Variants in AKAP7 observed in about 807,000 individuals in gnomAD.
The protein encoded by AKAP7 is A-kinase anchoring protein 7, also known as A kinase (PRKA) anchor protein 7.
A neutral mutation model predicts 39.5 loss-of-function variants in AKAP7; 39 were observed. The observed-to-expected ratio is 0.99, with a 90% confidence interval of 0.76 to 1.29. The LOEUF (loss-of-function observed/expected upper bound fraction) is 1.29. Among genes scored for constraint, AKAP7 ranks in the 50% most tolerant of loss-of-function variants. The pLI, the probability that AKAP7 is intolerant of heterozygous loss-of-function variation, is 0.00. For missense variants in AKAP7, 414 were observed against 407.7 expected, an observed-to-expected ratio of 1.02 and a Z score of -0.13; for synonymous variants, 140 against 139.1, an observed-to-expected ratio of 1.01 and a Z score of -0.05.
chr6:131,250,484 C>G, intron 7 of AKAP7: 1 of 1,603,086 alleles, frequency 6.2e-7, no homozygotes, highest in Non-Finnish European at 8.5e-7. Flanking sequence ...GCAGGGTGTG[C>G]TCGCAGACTG....
intron 1 of AKAP7, among the ~76,000 whole-genome samples, chr6:131,143,643 A>G (rs1193464748): frequency 1.3e-5 from 2 of 152,142 alleles, no homozygotes; most frequent in African/African-American, 4.8e-5. Context: ...GTGTGTGAAC[A>G]ATAGTAGAGA....
chr6:131,240,128 C>G (rs1399507720), intron 7 of AKAP7, among the ~76,000 whole-genome samples: 2 of 152,182 alleles, frequency 1.3e-5, no homozygotes, highest in Admixed American at 6.5e-5. Context: ...ATCTAACAGT[C>G]AGGATCCTCA....
intron 5 of AKAP7, among the ~76,000 whole-genome samples, chr6:131,185,945 T>A (rs1221664356): frequency 6.6e-6 from 1 of 152,234 alleles, no homozygotes; most frequent in Non-Finnish European, 1.5e-5. Context: ...TCTTATAATT[T>A]TAACTCTTAT....
chr6:131,184,760 G>T (rs1805650975), intron 5 of AKAP7: 3 of 1,092,604 alleles, frequency 2.7e-6, no homozygotes, highest in Admixed American at 3.4e-5. Context: ...ACAGGAGTGG[G>T]TGGTTGGGAG....
chr6:131,150,844 C>A (rs745365454), intron 2 of AKAP7, among the ~76,000 whole-genome samples: 1 of 152,104 alleles, frequency 6.6e-6, no homozygotes, highest in Non-Finnish European at 1.5e-5. Context: ...TTCAATTCCT[C>A]AATACATGTG....
chr6:131,205,984 A>G lies in AKAP7; in HGVS notation c.702+6411A>G, dbSNP rs557227113. ...TGCTTTTTGTACGGTATCTTTTTGG[A>G]CTTATTTTTCTTACTGAATGAACTT... On this transcript the variant is annotated intron_variant, in intron 6 of 7. Coordinates refer to ENST00000431975, the MANE Select transcript of AKAP7 (RefSeq NM_016377.4). 3.3e-5 allele frequency among the ~76,000 whole-genome samples: 5 copies of G among 152,096 alleles called. No individual in the cohort carries two copies. The South Asian group carries it at 1.0e-3, about 32-fold the overall frequency.
chr6:131,196,176 A>G (rs1806906864), intron 5 of AKAP7, among the ~76,000 whole-genome samples: 1 of 151,942 alleles, frequency 6.6e-6, no homozygotes, highest in Non-Finnish European at 1.5e-5. Flanking sequence ...CGTATTTTCA[A>G]ATAGCCTGTC....
In AKAP7 at chr6:131,213,700, G is replaced by T. The variant is rs573254895; in HGVS notation, c.703-5961G>T. Among the ~76,000 whole-genome samples, 114 of 152,178 alleles carry T rather than the reference G, an allele frequency of 7.5e-4. 4 individuals are homozygous for T. The South Asian group carries it at 0.023, about 30-fold the overall frequency. On this transcript the variant is annotated intron_variant, in intron 6 of 7. Transcript: ENST00000431975. Reference sequence around the variant, plus strand: ...TCTTTGTTTCATTATACTGAGAAAAGCCACATGCAAGTATAACAAACAGTT... The same window carrying T: ...TCTTTGTTTCATTATACTGAGAAAATCCACATGCAAGTATAACAAACAGTT...
intron 5 of AKAP7, among the ~76,000 whole-genome samples, chr6:131,182,981 G>A (rs1206114624): frequency 1.3e-5 from 2 of 151,906 alleles, no homozygotes; most frequent in Non-Finnish European, 2.9e-5. Context: ...TTAATTTTGG[G>A]GGAAAAAAAG....
chr6:131,268,320 A>G (rs1231658111), intron 7 of AKAP7, among the ~76,000 whole-genome samples: 2 of 152,174 alleles, frequency 1.3e-5, no homozygotes, highest in African/African-American at 2.4e-5. Flanking sequence ...CACTACTGCT[A>G]TGTGATCATA....
chr6:131,272,729 C>T (rs548089648), intron 7 of AKAP7, among the ~76,000 whole-genome samples: 1 of 152,110 alleles, frequency 6.6e-6, no homozygotes, highest in East Asian at 1.9e-4. Context: ...TGGATGAGTT[C>T]AGTATTTTTA....
rs148218211 is a variant in AKAP7 at position 131,162,486 on chromosome 6, A to C, written c.291+2288A>C. ...AAATTTTTCAAGTTTCAGTTTGTTC[A>C]GGTGTAAAATGAGGTGGGTGATAAT... is the stretch of plus-strand genomic sequence containing the variant. On this transcript the variant is annotated intron_variant, in intron 3 of 7. Transcript: ENST00000431975. Among the ~76,000 whole-genome samples the C allele has an allele frequency of 1.2e-4, 19 of 152,284 alleles. 1 individual carries two copies. The East Asian group carries it at 3.5e-3, about 28-fold the overall frequency.
intron 7 of AKAP7, among the ~76,000 whole-genome samples, chr6:131,226,606 C>T (rs1296413649): frequency 6.6e-6 from 1 of 152,224 alleles, no homozygotes; most frequent in African/African-American, 2.4e-5. Flanking sequence ...TCTCAGGCAG[C>T]TGTGTTCCAT....
At chr6:131,151,205 G>T (rs1801885223) in intron 2 of AKAP7, among the ~76,000 whole-genome samples, 1 of 151,406 alleles carries the variant, frequency 6.6e-6, no homozygotes, top group South Asian at 2.1e-4. Flanking sequence ...ACCACACTCA[G>T]CTAATTTTTG....
At chr6:131,275,653 G>T (rs77752420) in intron 7 of AKAP7, among the ~76,000 whole-genome samples, 2 of 152,170 alleles carry the variant, frequency 1.3e-5, no homozygotes, top group African/African-American at 4.8e-5. Context: ...AACATCCATC[G>T]CATGTCTGCC....
chr6:131,143,592 CT>C, intron 1 of AKAP7, among the ~76,000 whole-genome samples: 2 of 152,090 alleles, frequency 1.3e-5, no homozygotes, highest in Non-Finnish European at 2.9e-5. Flanking sequence ...TCAGGTATTC[CT>C]TTATAGCAAT....
At chr6:131,207,585 T>C (rs1808251135) in intron 6 of AKAP7, among the ~76,000 whole-genome samples, 1 of 148,576 alleles carries the variant, frequency 6.7e-6, no homozygotes, top group Admixed American at 6.8e-5. Context: ...TCCTCACACC[T>C]TGGCCTCCCA....
intron 7 of AKAP7, among the ~76,000 whole-genome samples, chr6:131,270,815 G>C (rs1441575633): frequency 6.6e-6 from 1 of 152,024 alleles, no homozygotes; most frequent in African/African-American, 2.4e-5. Context: ...GTATTTCCCT[G>C]ATAACTAAAA....
intron 2 of AKAP7, among the ~76,000 whole-genome samples, chr6:131,149,400 C>T (rs1051945142): frequency 3.5e-4 from 53 of 152,298 alleles, no homozygotes; most frequent in Non-Finnish European, 6.3e-4. Context: ...TTCGGGAGGC[C>T]GAGTTGGGCG....
Sources: allele counts gnomAD v4.1 joint callset (sites outside exome capture counted in the v4.1 genomes callset), GRCh38; gene constraint gnomAD v4.1.1; transcripts MANE v1.5; gene names NCBI Gene and HGNC (gene_info 2026-07-23, HGNC 2026-07-21).